The following PTPRZ1 variants were observed in gnomAD, a reference collection of about 807,000 sequenced individuals.
The protein encoded by PTPRZ1 is protein tyrosine phosphatase receptor type Z1.
In PTPRZ1, 82 loss-of-function variants were observed where a neutral mutation model predicts 214.1. That is an observed-to-expected ratio of 0.38 (90% CI 0.32 to 0.46). The LOEUF is 0.46. Among genes scored for constraint, PTPRZ1 ranks in the 20% least tolerant of loss-of-function variants. The pLI, the probability that PTPRZ1 is intolerant of heterozygous loss-of-function variation, is 1.00. For missense variants in PTPRZ1, 2,603 were observed against 2,748.7 expected (o/e 0.95, Z 1.19); for synonymous variants, 945 against 987.9 (o/e 0.96, Z 0.81).
At chr7:121,908,855 G>C (rs1271181712) in intron 1 of PTPRZ1, 1 of 483,006 alleles carries the variant, frequency 2.1e-6, no homozygotes, top group African/African-American at 2.0e-5. Context: ...TTTTGTATAT[G>C]GAAATATATA....
chr7:121,976,193 T>C lies in PTPRZ1; in HGVS notation c.477T>C (p.Asp159=), dbSNP rs1207770046. The C allele has an allele frequency of 1.9e-6, 3 of 1,609,158 alleles. No homozygotes were observed. Among genetic ancestry groups the C allele is most frequent in the Non-Finnish European group, 2.5e-6 (3 of 1,176,714 alleles). The part of the protein sequence containing the change: ...FPLEMQIYCF[D]ADRFSSFEEA... ...TATAGATGCAAATCTACTGCTTTGA[T>C]GCGGACCGATTTTCAAGTTTTGAGG... The change falls in exon 5 of 30, where the codon GAT becomes GAC. Residue 159 remains aspartate (D), a synonymous_variant. Transcript: ENST00000393386.
rs776184618 is a variant in PTPRZ1 at position 122,012,770 on chromosome 7, C to T, written c.3724C>T (p.Pro1242Ser). 3.1e-6 allele frequency: 5 copies of T among 1,611,410 alleles called. No homozygotes were observed. The highest frequency in any genetic ancestry group is 1.7e-5 in the Admixed American group (1 of 60,008). The change falls in exon 12 of 30, where the codon CCA becomes TCA. Residue 1242 changes from proline to serine, a missense_variant. This residue lies in a region of PTPRZ1 where 1,913 missense variants were observed against 1,914.3 expected (regional missense o/e 1.00). Coordinates refer to ENST00000393386, the MANE Select transcript of PTPRZ1 (RefSeq NM_002851.3). ...SENMLHSTSV[P>S]VFDVSPTSHM... ...AAACATGCTGCACTCTACATCTGTA[C>T]CAGTTTTTGATGTGTCGCCTACTTC... is the stretch of plus-strand genomic sequence containing the variant.
Position 121,997,878 on chromosome 7 carries a change from A to T in PTPRZ1, c.1114-2A>T. 1 of 1,599,218 alleles carries T rather than the reference A, an allele frequency of 6.3e-7. No individual in the cohort carries two copies. The highest frequency in any genetic ancestry group is 8.6e-7 in the Non-Finnish European group (1 of 1,169,418). ...GTATAATTACTAACATCTTTCTTTT[A>T]GGGTGCTATTCTCAATAATTTGCTA... On this transcript the variant is annotated splice_acceptor_variant, in intron 9 of 29. Transcript: ENST00000393386. LOFTEE classifies it high-confidence loss of function.
chr7:121,913,296 A>G (rs1422687794), intron 1 of PTPRZ1, among the ~76,000 whole-genome samples: 1 of 152,124 alleles, frequency 6.6e-6, no homozygotes, highest in Admixed American at 6.6e-5. Context: ...AAGGCTTCCC[A>G]CTCAGTGTGC....
At chr7:121,923,782 A>G (rs1795672093) in intron 1 of PTPRZ1, among the ~76,000 whole-genome samples, 1 of 152,062 alleles carries the variant, frequency 6.6e-6, no homozygotes, top group African/African-American at 2.4e-5. Flanking sequence ...TTTCCTTTAC[A>G]TAAGTGTAAA....
At chr7:121,976,675 C>A in intron 5 of PTPRZ1, 110 bp from the exon 6 acceptor site, 1 of 872,542 alleles carries the variant, frequency 1.1e-6, no homozygotes, top group Non-Finnish European at 1.7e-6. Flanking sequence ...TTGGAACTTA[C>A]TATTTTTTAA....
At chr7:121,994,488 G>T (rs1798076377) in intron 8 of PTPRZ1, among the ~76,000 whole-genome samples, 1 of 151,750 alleles carries the variant, frequency 6.6e-6, no homozygotes, top group African/African-American at 2.4e-5. Flanking sequence ...TAGAGACAGG[G>T]TTTCACCGTG....
At position 122,013,172 on chromosome 7, in the gene PTPRZ1, A is replaced by G. The variant is rs61732008; in HGVS notation, c.4126A>G (p.Ile1376Val). 2.9e-4 allele frequency: 476 copies of G among 1,614,016 alleles called. No homozygotes were observed. The highest frequency in any genetic ancestry group is 3.9e-4 in the Non-Finnish European group (465 of 1,179,968). ...TCCTATAGGAAATGGGCATGTTGCCATTACAGCTGTTTCTCCCCACAGAGA... is the reference window on the plus strand; with the variant it reads ...TCCTATAGGAAATGGGCATGTTGCCGTTACAGCTGTTTCTCCCCACAGAGA... ...SVPIGNGHVA[I>V]TAVSPHRDGS... is the part of the protein sequence containing the mutation. Residue 1376 changes from isoleucine (I) to valine (V), a missense_variant, in exon 12 of 30, where the codon ATT (isoleucine) becomes GTT (valine). Transcript: ENST00000393386.
In PTPRZ1 at chr7:121,873,210, A is replaced by T. The variant is rs915272083; in HGVS notation, c.-290A>T. 10 of 424,936 alleles carry T rather than the reference A, an allele frequency of 2.4e-5. No individual in the cohort carries two copies. The Admixed American group carries it at 2.4e-4, about 10-fold the overall frequency. The allele number at this position is 424,936 out of a possible 1,614,324, so 26.3% of individuals were successfully genotyped here. A position where few individuals can be genotyped will look rare whatever the true frequency, so the allele number is the denominator to read the frequency against. ...AAAGAGGCAAAGTCCCGCACGCCGG[A>T]GGACATGCGCCTCGGCTAGCGGCCC... On this transcript the variant is annotated 5_prime_UTR_variant, in exon 1 of 30. Transcript: ENST00000393386.
intron 2 of PTPRZ1, among the ~76,000 whole-genome samples, chr7:121,937,548 G>C (rs1796121501): frequency 6.6e-6 from 1 of 152,100 alleles, no homozygotes; most frequent in East Asian, 1.9e-4. Context: ...TTCTGAAAGA[G>C]GCAGAAATGA....
intron 12 of PTPRZ1, among the ~76,000 whole-genome samples, chr7:122,018,451 C>T (rs989686338): frequency 6.6e-6 from 1 of 151,940 alleles, no homozygotes; most frequent in Non-Finnish European, 1.5e-5. Context: ...TAATTATTTA[C>T]ACTTGCATAT....
chr7:121,968,280 G>A, intron 3 of PTPRZ1, 150 bp downstream of exon 3: 1 of 557,696 alleles, frequency 1.8e-6, no homozygotes, highest in Non-Finnish European at 2.8e-6. Flanking sequence ...GAGAAAATGG[G>A]AAATTTAGAC....
chr7:121,948,336 C>A (rs1365987878), intron 2 of PTPRZ1, among the ~76,000 whole-genome samples: 2 of 152,098 alleles, frequency 1.3e-5, no homozygotes, highest in East Asian at 3.9e-4. Context: ...ATAAACCTGG[C>A]CAAACATGGT....
At chr7:121,963,313 GAC>G (rs1192514258) in intron 2 of PTPRZ1, among the ~76,000 whole-genome samples, 1 of 152,192 alleles carries the variant, frequency 6.6e-6, no homozygotes, top group African/African-American at 2.4e-5. Context: ...GTAAGGGTGA[GAC>G]AGCAAAAACT....
In PTPRZ1 at chr7:122,004,605, AT is replaced by A; in HGVS notation, c.1241-5del. ...AAAAACTTTAATAATTTTGTTTTTAATTTTGTAGAACTTGATCTTTTCCCTG... is the reference window on the plus strand; with the variant it reads ...AAAAACTTTAATAATTTTGTTTTTAATTTGTAGAACTTGATCTTTTCCCTG... On this transcript the variant is annotated splice_polypyrimidine_tract_variant and splice_region_variant and intron_variant, in intron 10 of 29. Transcript: ENST00000393386. 1 of 1,331,130 alleles carries A rather than the reference AT, an allele frequency of 7.5e-7. No individual in the cohort carries two copies. 82.5% of individuals were successfully genotyped at this position (1,331,130 alleles called of 1,614,324 possible).
At chr7:121,921,866 T>G (rs746574635) in intron 1 of PTPRZ1, among the ~76,000 whole-genome samples, 21 of 152,188 alleles carry the variant, frequency 1.4e-4, no homozygotes, top group Non-Finnish European at 2.9e-4. Context: ...TGAGCTAGTA[T>G]TATAGCCTAA....
chr7:121,993,572 C>CAAAAAAAAAA (rs66916301), intron 8 of PTPRZ1, among the ~76,000 whole-genome samples: 1 of 73,606 alleles, frequency 1.4e-5, no homozygotes, highest in African/African-American at 5.4e-5. Context: ...GAGACTGTCT[C>CAAAAAAAAAA]AAAAAAAAAA....
intron 9 of PTPRZ1, among the ~76,000 whole-genome samples, chr7:121,996,767 T>G (rs1473000917): frequency 1.3e-5 from 2 of 152,210 alleles, no homozygotes; most frequent in Non-Finnish European, 2.9e-5. Context: ...TACATTTAAT[T>G]AAATGGATAT....
At chr7:121,926,351 A>G (rs967230088) in intron 1 of PTPRZ1, among the ~76,000 whole-genome samples, 5 of 151,864 alleles carry the variant, frequency 3.3e-5, no homozygotes, top group African/African-American at 1.2e-4. Flanking sequence ...AGTAAATTCT[A>G]TAATAAAGGG....
Sources: gnomAD v4.1 joint callset for allele counts (sites outside exome capture counted in the v4.1 genomes callset) on GRCh38, gnomAD v4.1.1 for gene constraint, gnomAD v4.1.1 regional missense constraint, MANE v1.5 for transcripts, NCBI Gene and HGNC (gene_info 2026-07-23, HGNC 2026-07-21) for gene names.